Variants in SNRNP35 observed in about 807,000 individuals in gnomAD.
The protein encoded by SNRNP35 is small nuclear ribonucleoprotein U11/U12 subunit 35.
In SNRNP35, 16 loss-of-function variants were observed where a neutral mutation model predicts 24.3. That is an observed-to-expected ratio of 0.66 (90% CI 0.45 to 1.00). SNRNP35 has a LOEUF of 1.00. Among genes scored for constraint, SNRNP35 ranks in the 50% least tolerant of loss-of-function variants. The pLI, the probability that SNRNP35 is intolerant of heterozygous loss-of-function variation, is 0.00. For missense variants in SNRNP35, 292 were observed against 327.2 expected, an observed-to-expected ratio of 0.89 and a Z score of 0.83; for synonymous variants, 106 against 124.8, an observed-to-expected ratio of 0.85 and a Z score of 1.00.
rs764722834 is a variant in SNRNP35 at position 123,466,287 on chromosome 12, C to CA, written c.*8dup. 1.8e-5 allele frequency: 27 copies of CA among 1,512,890 alleles called. No individual in the cohort carries two copies. Among genetic ancestry groups the CA allele is most frequent in the Non-Finnish European group, 2.3e-5 (26 of 1,133,356 alleles). 93.7% of individuals were successfully genotyped at this position (1,512,890 alleles called of 1,614,324 possible). A position where few individuals can be genotyped will look rare whatever the true frequency, so the allele number is the denominator to read the frequency against. On this transcript the variant is annotated 3_prime_UTR_variant, in exon 2 of 2. Coordinates refer to ENST00000526639, the MANE Select transcript of SNRNP35 (RefSeq NM_022717.4). ...AGAAGGAAAGAGGCAAGTAGAGGCC[C>CA]AACAGCAGAACCCCAAAGTGAAGTT...
chr12:123,471,463 A>G (rs1435546269), downstream of SNRNP35: 2 of 152,260 alleles, frequency 1.3e-5, no homozygotes, highest in Non-Finnish European at 2.9e-5. Flanking sequence ...ACCTCGCTCA[A>G]TCTGTGAGCA....
chr12:123,464,389 G>T (rs138238552), intron 1 of SNRNP35: 3,464 of 152,076 alleles, frequency 0.023, 69 homozygotes, highest in Admixed American at 0.063. Flanking sequence ...ACAGGCGCCC[G>T]CCATCATGCC....
exon 2 of SNRNP35, chr12:123,472,711 G>C: frequency 6.3e-7 from 1 of 1,583,966 alleles, no homozygotes; most frequent in Non-Finnish European, 8.6e-7. Context: ...ACACAGAAAT[G>C]AGAGCTGACC....
exon 2 of SNRNP35, chr12:123,472,999 G>C (rs906119734): frequency 3.8e-6 from 1 of 264,606 alleles, no homozygotes; most frequent in Non-Finnish European, 7.4e-6. Flanking sequence ...AAAAGCTGCT[G>C]AAACAAATCT....
At chr12:123,460,754 A>G (rs1489841009) in intron 1 of SNRNP35, among the ~76,000 whole-genome samples, 5 of 151,908 alleles carry the variant, frequency 3.3e-5, no homozygotes, top group Non-Finnish European at 5.9e-5. Context: ...GTCTCAAAAA[A>G]AATTCAAGCG....
At chr12:123,460,867 A>G (rs1424567273) in intron 1 of SNRNP35, among the ~76,000 whole-genome samples, 1 of 151,444 alleles carries the variant, frequency 6.6e-6, no homozygotes, top group African/African-American at 2.4e-5. Context: ...CATGTTGGTC[A>G]GGCTAGTCTC....
chr12:123,461,073 T>C (rs9330647), intron 1 of SNRNP35, among the ~76,000 whole-genome samples: 126,790 of 150,042 alleles, frequency 0.85, 53,695 homozygotes, highest in East Asian at 1. Flanking sequence ...TTTTGGCCTC[T>C]CAAAGTGCTG....
In SNRNP35 at chr12:123,465,526, T is replaced by G; in HGVS notation, c.-3-12T>G. 1 of 1,532,106 alleles carries G rather than the reference T, an allele frequency of 6.5e-7. No homozygotes were observed. Among genetic ancestry groups the G allele is most frequent in the Non-Finnish European group, 8.8e-7 (1 of 1,140,510 alleles). 94.9% of individuals were successfully genotyped at this position (1,532,106 alleles called of 1,614,324 possible). A position where few individuals can be genotyped will look rare whatever the true frequency, so the allele number is the denominator to read the frequency against. ...TAGAGGCTCCATCCACGCTTGCTCT[T>G]ATCATTCATAGAACATGAACGATTG... On this transcript the variant is annotated splice_polypyrimidine_tract_variant and intron_variant, in intron 1 of 1. Coordinates refer to ENST00000526639, the MANE Select transcript of SNRNP35 (RefSeq NM_022717.4). The surrounding 1 kb of genome is among the most constrained non-coding windows in gnomAD (Gnocchi z 4.2).
Position 123,465,682 on chromosome 12 carries a change from G to C in SNRNP35, c.142G>C (p.Asp48His). Residue 48 changes from aspartate to histidine, a missense_variant, in exon 2 of 2, where the codon GAT (aspartate) becomes CAT (histidine). Asp to His is a moderately conservative substitution (Grantham distance 81). Coordinates refer to ENST00000526639, the MANE Select transcript of SNRNP35 (RefSeq NM_022717.4). This position sits in a 1 kb window ranked among gnomAD's most constrained non-coding sequence, Gnocchi z 4.2. Reference protein sequence around the residue: ...RYVPNKGVIGDPLLTLFVARL... With the variant: ...RYVPNKGVIGHPLLTLFVARL... ...TGTCCCCAACAAAGGTGTCATAGGA[G>C]ATCCCCTCCTCACCCTGTTTGTGGC... 6.2e-7 allele frequency: 1 copy of C among 1,613,956 alleles called. No individual in the cohort carries two copies. Among genetic ancestry groups the C allele is most frequent in the Non-Finnish European group, 8.5e-7 (1 of 1,179,970 alleles).
At chr12:123,469,112 A>T (rs537653659), downstream of SNRNP35, among the ~76,000 whole-genome samples, 2 of 151,850 alleles carry the variant, frequency 1.3e-5, no homozygotes, top group Admixed American at 6.6e-5. Context: ...AGACTGCCAA[A>T]TGTCCCCTGG....
chr12:123,463,814 G>A (rs1880776797), intron 1 of SNRNP35, among the ~76,000 whole-genome samples: 1 of 150,930 alleles, frequency 6.6e-6, no homozygotes, highest in African/African-American at 2.4e-5. Flanking sequence ...GCCCAGGCTG[G>A]AGTGCAGTGG....
chr12:123,462,832 T>C (rs2139284838), intron 1 of SNRNP35, among the ~76,000 whole-genome samples: 1 of 152,134 alleles, frequency 6.6e-6, no homozygotes, highest in East Asian at 1.9e-4. Flanking sequence ...TTTTGGATTT[T>C]ATTCTGTAGG....
rs750813496 is a variant in SNRNP35, at chr12:123,465,517, G to A, written c.-3-21G>A. 6 of 1,528,562 alleles carry A rather than the reference G, an allele frequency of 3.9e-6. No homozygotes were observed. In the African/African-American group the frequency reaches 4.2e-5, roughly 11 times the overall value. The allele number at this position is 1,528,562 out of a possible 1,614,324, so 94.7% of individuals were successfully genotyped here. ...GGCTCAGAGTAGAGGCTCCATCCAC[G>A]CTTGCTCTTATCATTCATAGAACAT... On this transcript the variant is annotated intron_variant, in intron 1 of 1. Transcript: ENST00000526639. This position sits in a 1 kb window ranked among gnomAD's most constrained non-coding sequence, Gnocchi z 4.2.
At chr12:123,459,892 A>C in intron 1 of SNRNP35, 1 of 1,591,190 alleles carries the variant, frequency 6.3e-7, no homozygotes, top group Non-Finnish European at 8.6e-7. Flanking sequence ...AGAAACAATG[A>C]AACCAGCTGT....
intron 1 of SNRNP35, chr12:123,464,965 G>A (rs1226145252): frequency 3.3e-5 from 5 of 152,196 alleles, no homozygotes; most frequent in African/African-American, 1.2e-4. Flanking sequence ...CGAATGATGT[G>A]ATATCTAGAA....
At chr12:123,469,120 T>G (rs946618768), downstream of SNRNP35, among the ~76,000 whole-genome samples, 1 of 151,728 alleles carries the variant, frequency 6.6e-6, no homozygotes, top group Non-Finnish European at 1.5e-5. Flanking sequence ...AAATGTCCCC[T>G]GGGGGGCTCA....
At chr12:123,458,795 C>T (rs953994250) in intron 1 of SNRNP35, among the ~76,000 whole-genome samples, 6 of 151,870 alleles carry the variant, frequency 4.0e-5, no homozygotes, top group African/African-American at 1.5e-4. Flanking sequence ...GGGGTTTCAC[C>T]ATGTTAGCCA....
At chr12:123,464,908 A>G (rs996433808) in intron 1 of SNRNP35, 2 of 152,178 alleles carry the variant, frequency 1.3e-5, no homozygotes. Context: ...TTGTAGTTTT[A>G]AAAAAGTCTA....
chr12:123,464,143 G>T (rs1224328914), intron 1 of SNRNP35, among the ~76,000 whole-genome samples: 1 of 151,346 alleles, frequency 6.6e-6, no homozygotes, highest in Non-Finnish European at 1.5e-5. Context: ...ATGTTGGTCA[G>T]GCTGGTCTCG....
Sources: allele counts gnomAD v4.1 joint callset (sites outside exome capture counted in the v4.1 genomes callset), GRCh38; gene constraint gnomAD v4.1.1; non-coding constraint Gnocchi (gnomAD v3.1); transcripts MANE v1.5; gene names NCBI Gene and HGNC (gene_info 2026-07-23, HGNC 2026-07-21).